The following PCDHGA9 variants were observed in gnomAD, a reference collection of about 807,000 sequenced individuals.
PCDHGA9 encodes the protein protocadherin gamma-A9.
In PCDHGA9, 37 loss-of-function variants were observed where a neutral mutation model predicts 62.5. That is an observed-to-expected ratio of 0.59 (90% CI 0.46 to 0.78). The LOEUF is 0.78. PCDHGA9 is among the 30% of genes least tolerant of loss of function. PCDHGA9 has a pLI of 0.00. For synonymous variants in PCDHGA9, 459 were observed against 484.6 expected, an observed-to-expected ratio of 0.95 and a Z score of 0.69; for missense variants, 1,138 against 1,166.2, an observed-to-expected ratio of 0.98 and a Z score of 0.35.
At chr5:141,504,483 AGGCACC>A (rs2099838618) in intron 2 of PCDHGA9, among the ~76,000 whole-genome samples, 1 of 151,954 alleles carries the variant, frequency 6.6e-6, no homozygotes, top group Non-Finnish European at 1.5e-5. Flanking sequence ...AGTACAGTGG[AGGCACC>A]TGCCCAGTCT....
chr5:141,476,596 C>T lies in PCDHGA9; in HGVS notation c.2425-18211C>T. 1 of 1,614,224 alleles carries T rather than the reference C, an allele frequency of 6.2e-7. No homozygotes were observed. Among genetic ancestry groups the T allele is most frequent in the Non-Finnish European group, 8.5e-7 (1 of 1,180,038 alleles). On this transcript the variant is annotated intron_variant, in intron 1 of 3. Coordinates refer to ENST00000573521, the MANE Select transcript of PCDHGA9 (RefSeq NM_018921.3). The surrounding 1 kb of genome is among the most constrained non-coding windows in gnomAD (Gnocchi z 7.6). The stretch of plus-strand genomic sequence containing the variant: ...CGCGCTTTCCGCTCGAGAGCGCGCA[C>T]GATCCCGATGTGGGAAGCAACTCTT...
chr5:141,474,430 C>T (rs2099349577), intron 1 of PCDHGA9, among the ~76,000 whole-genome samples: 1 of 152,212 alleles, frequency 6.6e-6, no homozygotes, highest in African/African-American at 2.4e-5. Flanking sequence ...TTGGTCCTCA[C>T]ACTTTGAGTA....
intron 1 of PCDHGA9, chr5:141,413,350 G>C: frequency 6.2e-7 from 1 of 1,613,974 alleles, no homozygotes; most frequent in South Asian, 1.1e-5. Context: ...CTTGGGTCTG[G>C]CGCCCCGGGA....
At chr5:141,408,882 ACATAGAAATTTCTGTCAAG>A (rs745313321) in intron 1 of PCDHGA9, 50 of 1,613,286 alleles carry the variant, frequency 3.1e-5, no homozygotes, top group Non-Finnish European at 4.1e-5. Context: ...GCCACCGCTC[ACATAGAAATTTCTGTCAAG>A]GATACCAATG....
intron 1 of PCDHGA9, among the ~76,000 whole-genome samples, chr5:141,462,839 T>C (rs1020663897): frequency 8.5e-5 from 13 of 152,228 alleles, no homozygotes; most frequent in Non-Finnish European, 1.5e-4. Context: ...GTAAATGTTA[T>C]ATTTTTGAGT....
At chr5:141,433,097 G>A (rs777101945) in intron 1 of PCDHGA9, 11 of 1,614,044 alleles carry the variant, frequency 6.8e-6, no homozygotes, top group Admixed American at 3.3e-5. Flanking sequence ...AGACATGCTC[G>A]TCAGCCAGGA....
chr5:141,415,182 C>T (rs2095840318), intron 1 of PCDHGA9: 2 of 1,613,842 alleles, frequency 1.2e-6, no homozygotes, highest in Non-Finnish European at 1.7e-6. Flanking sequence ...TGGCCGTGGC[C>T]GACAGCATCC....
chr5:141,450,633 C>T (rs751572851), intron 1 of PCDHGA9, among the ~76,000 whole-genome samples: 2 of 149,416 alleles, frequency 1.3e-5, no homozygotes, highest in East Asian at 2.0e-4. Flanking sequence ...ATTACAGATG[C>T]CTGCCACCAT....
At chr5:141,409,122 T>G (rs1276365021) in intron 1 of PCDHGA9, 1 of 1,614,026 alleles carries the variant, frequency 6.2e-7, no homozygotes, top group South Asian at 1.1e-5. Context: ...AACCAGTCAT[T>G]TGATTTTGAA....
At chr5:141,415,884 A>C in intron 1 of PCDHGA9, 1 of 981,534 alleles carries the variant, frequency 1.0e-6, no homozygotes, top group Non-Finnish European at 1.4e-6. Context: ...TACAATATTG[A>C]CAATTCCTAA....
intron 1 of PCDHGA9, chr5:141,421,421 T>A (rs982627903): frequency 6.2e-7 from 1 of 1,613,876 alleles, no homozygotes; most frequent in Non-Finnish European, 8.5e-7. Flanking sequence ...AAGCGCGGAG[T>A]CCGCATCGTC....
chr5:141,454,272 A>G (rs1226625529), intron 1 of PCDHGA9, among the ~76,000 whole-genome samples: 1 of 152,200 alleles, frequency 6.6e-6, no homozygotes, highest in Non-Finnish European at 1.5e-5. Context: ...ATGCCAGCAA[A>G]AACTTCACAT....
chr5:141,445,388 A>G (rs2098465525), intron 1 of PCDHGA9, among the ~76,000 whole-genome samples: 2 of 152,212 alleles, frequency 1.3e-5, no homozygotes, highest in African/African-American at 4.8e-5. Flanking sequence ...TCATTCATTT[A>G]CATAACAAAT....
chr5:141,493,983 A>G lies in PCDHGA9; in HGVS notation c.2425-824A>G, dbSNP rs2099751203. Among the ~76,000 whole-genome samples the G allele has an allele frequency of 6.6e-6, 1 of 152,194 alleles. No homozygotes were observed. The highest frequency in any genetic ancestry group is 6.5e-5 in the Admixed American group (1 of 15,278). ...TGGCTGGCCAGAGCCCCACACCTTC[A>G]GCTAGGTGGGAGATGGCTACACATC... On this transcript the variant is annotated intron_variant, in intron 1 of 3. Coordinates refer to ENST00000573521, the MANE Select transcript of PCDHGA9 (RefSeq NM_018921.3). The surrounding 1 kb of genome is among the most constrained non-coding windows in gnomAD (Gnocchi z 4.3).
At chr5:141,464,096 C>T (rs2099075769) in intron 1 of PCDHGA9, among the ~76,000 whole-genome samples, 1 of 152,016 alleles carries the variant, frequency 6.6e-6, no homozygotes, top group African/African-American at 2.4e-5. Context: ...GAAACTCCGT[C>T]TCTACTAAAA....
intron 1 of PCDHGA9, chr5:141,433,007 C>CT: frequency 6.2e-7 from 1 of 1,614,198 alleles, no homozygotes; most frequent in Non-Finnish European, 8.5e-7. Context: ...GCAGGCTTTC[C>CT]TGCAGACCTA....
At chr5:141,411,567 G>A (rs1390794685) in intron 1 of PCDHGA9, 1 of 152,186 alleles carries the variant, frequency 6.6e-6, no homozygotes, top group Non-Finnish European at 1.5e-5. Context: ...CTGGGCGACA[G>A]AGTGCGACCC....
intron 1 of PCDHGA9, chr5:141,471,509 TA>T (rs1211467109): frequency 6.6e-6 from 1 of 152,008 alleles, no homozygotes; most frequent in Non-Finnish European, 1.5e-5. Context: ...AGAGAGGGAG[TA>T]AAAATAACAG....
chr5:141,495,386 G>C (rs2099760934), intron 2 of PCDHGA9, among the ~76,000 whole-genome samples: 1 of 152,214 alleles, frequency 6.6e-6, no homozygotes, highest in Non-Finnish European at 1.5e-5. Context: ...GGACTGGGCG[G>C]GGCATGGAGC....
Sources: gnomAD v4.1 joint callset for allele counts (sites outside exome capture counted in the v4.1 genomes callset) on GRCh38, gnomAD v4.1.1 for gene constraint, Gnocchi (gnomAD v3.1) non-coding constraint, MANE v1.5 for transcripts, NCBI Gene and HGNC (gene_info 2026-07-23, HGNC 2026-07-21) for gene names.